DLGAP2: variants seen among roughly 807,000 people sequenced by gnomAD.
DLGAP2 encodes the protein DLG associated protein 2, also known as disks large-associated protein 2.
A neutral mutation model predicts 100.3 loss-of-function variants in DLGAP2; 26 were observed. The ratio of observed to expected loss-of-function variants is 0.26; its 90% CI spans 0.19 to 0.36. The LOEUF (loss-of-function observed/expected upper bound fraction) is 0.36. Among genes scored for constraint, DLGAP2 ranks in the 10% least tolerant of loss-of-function variants. The pLI is 1.00. For synonymous variants in DLGAP2, 886 were observed against 630.1 expected, an observed-to-expected ratio of 1.41 and a Z score of -6.08; for missense variants, 1,858 against 1,453.2, an observed-to-expected ratio of 1.28 and a Z score of -4.53.
At chr8:809,733 C>T (rs1251544345) in intron 1 of DLGAP2, among the ~76,000 whole-genome samples, 2 of 152,174 alleles carry the variant, frequency 1.3e-5, no homozygotes, top group Non-Finnish European at 2.9e-5. Context: ...AAGATTCCCC[C>T]TCCCCTGGCC....
chr8:1,493,814 G>A (rs1311077674), intron 3 of DLGAP2, among the ~76,000 whole-genome samples: 1 of 152,236 alleles, frequency 6.6e-6, no homozygotes, highest in Non-Finnish European at 1.5e-5. Context: ...CGGAAGGGGT[G>A]GACGCGGCAC....
At chr8:919,754 G>C (rs140926757) in intron 2 of DLGAP2, among the ~76,000 whole-genome samples, 4 of 152,300 alleles carry the variant, frequency 2.6e-5, no homozygotes, top group African/African-American at 9.6e-5. Flanking sequence ...GCCACCACCC[G>C]CCTCTCTTTC....
At chr8:1,547,614 C>A (rs1306534773) in intron 4 of DLGAP2, among the ~76,000 whole-genome samples, 2 of 152,050 alleles carry the variant, frequency 1.3e-5, no homozygotes, top group African/African-American at 2.4e-5. Context: ...GCAGGTCACC[C>A]CAGCGCCCAG....
At chr8:892,412 C>A (rs115117400) in intron 1 of DLGAP2, among the ~76,000 whole-genome samples, 1 of 152,148 alleles carries the variant, frequency 6.6e-6, no homozygotes, top group Non-Finnish European at 1.5e-5. Flanking sequence ...TGGATGAACC[C>A]TGGGGACACT....
chr8:1,682,747 T>C (rs568752743), intron 12 of DLGAP2, among the ~76,000 whole-genome samples: 1 of 151,788 alleles, frequency 6.6e-6, no homozygotes, highest in East Asian at 1.9e-4. Context: ...GTGCTAGGAT[T>C]ACAGGTATGA....
chr8:800,851 G>A (rs1421261448), intron 1 of DLGAP2, among the ~76,000 whole-genome samples: 2 of 152,118 alleles, frequency 1.3e-5, no homozygotes, highest in Admixed American at 6.5e-5. Flanking sequence ...GCAGCCCTGC[G>A]TCTCCAAGGC....
intron 2 of DLGAP2, among the ~76,000 whole-genome samples, chr8:1,044,054 C>T (rs1041005121): frequency 3.3e-5 from 5 of 152,218 alleles, no homozygotes; most frequent in African/African-American, 7.2e-5. Flanking sequence ...TGCCCTGCCA[C>T]GCCACGCTGT....
intron 6 of DLGAP2, among the ~76,000 whole-genome samples, chr8:1,605,324 T>G (rs1267466031): frequency 6.6e-6 from 1 of 152,152 alleles, no homozygotes; most frequent in East Asian, 1.9e-4. Context: ...CCTACTTGAT[T>G]CGCACTTCCG....
chr8:995,778 A>T (rs1277986309), intron 2 of DLGAP2, among the ~76,000 whole-genome samples: 2 of 152,206 alleles, frequency 1.3e-5, no homozygotes, highest in African/African-American at 2.4e-5. Flanking sequence ...TGGTTGCCAT[A>T]AATTAGGTTC....
At chr8:1,590,736 G>A (rs1053870193) in intron 6 of DLGAP2, among the ~76,000 whole-genome samples, 4 of 152,122 alleles carry the variant, frequency 2.6e-5, no homozygotes, top group African/African-American at 9.7e-5. Flanking sequence ...CTTGAAAATG[G>A]GAATCCCACC....
intron 4 of DLGAP2, among the ~76,000 whole-genome samples, chr8:1,529,492 T>C (rs977385579): frequency 2.0e-5 from 3 of 152,160 alleles, no homozygotes; most frequent in African/African-American, 7.2e-5. Context: ...AGCTGAGGGT[T>C]GGAGTGTTCA....
At chr8:1,659,146 C>T (rs7814735) in intron 8 of DLGAP2, among the ~76,000 whole-genome samples, 6,338 of 152,168 alleles carry the variant, frequency 0.042, 441 homozygotes, top group African/African-American at 0.14. Context: ...TGTAGTTGTG[C>T]GGTTTTGAGT....
chr8:889,129 G>A (rs1481150502), intron 1 of DLGAP2, among the ~76,000 whole-genome samples: 1 of 152,154 alleles, frequency 6.6e-6, no homozygotes, highest in Non-Finnish European at 1.5e-5. Flanking sequence ...CCAGGAGAAG[G>A]AATTTCACAA....
At chr8:1,563,054 G>C (rs1347722134) in intron 5 of DLGAP2, among the ~76,000 whole-genome samples, 1 of 51,002 alleles carries the variant, frequency 2.0e-5, no homozygotes, top group Non-Finnish European at 3.8e-5. Context: ...TCGTTACTGG[G>C]GGACTGTGTG....
At chr8:953,173 G>A (rs370877423) in intron 2 of DLGAP2, among the ~76,000 whole-genome samples, 11 of 152,042 alleles carry the variant, frequency 7.2e-5, no homozygotes, top group Admixed American at 2.6e-4. Flanking sequence ...ACAGATATTC[G>A]AAATTTCTAT....
At chr8:1,066,203 G>T (rs569028229) in intron 2 of DLGAP2, among the ~76,000 whole-genome samples, 21 of 151,574 alleles carry the variant, frequency 1.4e-4, no homozygotes, top group African/African-American at 4.1e-4. Context: ...TCTGAGTGAG[G>T]ACAGTTCTCC....
intron 2 of DLGAP2, among the ~76,000 whole-genome samples, chr8:979,965 C>G (rs1800281640): frequency 6.6e-6 from 1 of 152,110 alleles, no homozygotes; most frequent in East Asian, 1.9e-4. Flanking sequence ...GCACGCAGAA[C>G]CATGGAGCTG....
intron 1 of DLGAP2, among the ~76,000 whole-genome samples, chr8:896,972 A>G (rs1327856973): frequency 6.6e-6 from 1 of 152,154 alleles, no homozygotes; most frequent in Admixed American, 6.5e-5. Flanking sequence ...AAGTCGCCCC[A>G]AGTTTTACAT....
Position 1,697,260 on chromosome 8 carries a change from G to A in DLGAP2, c.2910G>A (p.Arg970=), listed in dbSNP as rs142972461. The change falls in exon 14 of 15, where the codon CGG becomes CGA. Residue 970 remains arginine, a synonymous_variant. Coordinates refer to ENST00000637795, the MANE Select transcript of DLGAP2 (RefSeq NM_001346810.2). The part of the protein sequence containing the change: ...SMKFDELQRL[R]LNDWKMMESP... Reference sequence around the variant, plus strand: ...AGTTCGACGAGCTGCAGCGGCTGCGGCTCAACGACTGGAAGATGATGGAGT... The same window carrying A: ...AGTTCGACGAGCTGCAGCGGCTGCGACTCAACGACTGGAAGATGATGGAGT... 1.2e-6 allele frequency: 2 copies of A among 1,610,314 alleles called. No individual in the cohort carries two copies. The highest frequency in any genetic ancestry group is 1.3e-5 in the African/African-American group (1 of 74,992).
Sources: allele counts gnomAD v4.1 joint callset (sites outside exome capture counted in the v4.1 genomes callset), GRCh38; gene constraint gnomAD v4.1.1; transcripts MANE v1.5; gene names NCBI Gene and HGNC (gene_info 2026-07-23, HGNC 2026-07-21).